Variants in SUGCT observed in about 807,000 individuals in gnomAD.
SUGCT encodes succinyl-CoA:glutarate-CoA transferase.
SUGCT carries 41 observed loss-of-function variants against 55.0 expected under a neutral mutation model. That is an observed-to-expected ratio of 0.74 (90% CI 0.58 to 0.97). The LOEUF is 0.97. SUGCT is among the 50% of genes least tolerant of loss of function. The pLI, the probability that SUGCT is intolerant of heterozygous loss-of-function variation, is 0.00. For missense variants in SUGCT, 568 were observed against 547.8 expected (o/e 1.04, Z -0.37); for synonymous variants, 187 against 200.4 (o/e 0.93, Z 0.56).
chr7:40,633,633 C>T (rs1799894095), intron 12 of SUGCT, among the ~76,000 whole-genome samples: 2 of 152,146 alleles, frequency 1.3e-5, no homozygotes, highest in Non-Finnish European at 2.9e-5. Context: ...AGCCAGTCCT[C>T]ACCTGGCCAG....
At chr7:40,588,531 G>A (rs1347807373) in intron 12 of SUGCT, among the ~76,000 whole-genome samples, 1 of 152,010 alleles carries the variant, frequency 6.6e-6, no homozygotes, top group Non-Finnish European at 1.5e-5. Context: ...CTTTCCCATG[G>A]TCACATTTCT....
the SUGCT span, among the ~76,000 whole-genome samples, chr7:40,992,975 ACCT>A: frequency 6.6e-6 from 1 of 151,986 alleles, no homozygotes; most frequent in South Asian, 2.1e-4. Flanking sequence ...TAGGGCACAG[ACCT>A]CCTTGTATGC....
chr7:40,419,430 TGAATTGGAAG>T (rs1787186874), intron 9 of SUGCT, among the ~76,000 whole-genome samples: 1 of 152,218 alleles, frequency 6.6e-6, no homozygotes, highest in Non-Finnish European at 1.5e-5. Flanking sequence ...AATTTTGGCT[TGAATTGGAAG>T]GAAATGAAGG....
At chr7:40,583,963 T>C (rs1219974769) in intron 12 of SUGCT, among the ~76,000 whole-genome samples, 4 of 152,206 alleles carry the variant, frequency 2.6e-5, no homozygotes, top group African/African-American at 9.6e-5. Context: ...TGTTGAAGCA[T>C]ACACTTACAT....
At position 40,186,365 on chromosome 7, in the gene SUGCT, C is replaced by G. The variant is rs112632278; in HGVS notation, c.227-2130C>G. Among the ~76,000 whole-genome samples, 500 of 151,792 alleles carry G rather than the reference C, an allele frequency of 3.3e-3. 6 individuals carry two copies. Among genetic ancestry groups the G allele is most frequent in the African/African-American group, 0.011 (451 of 41,378 alleles). On this transcript the variant is annotated intron_variant, in intron 3 of 13. Coordinates refer to ENST00000335693, the MANE Select transcript of SUGCT (RefSeq NM_001193313.2). Reference sequence around the variant, plus strand: ...CATTGACCTCCTGAGCTCAAGTGATCCTACCACCTCAGCGTCCTAAGTAGC... The same window carrying G: ...CATTGACCTCCTGAGCTCAAGTGATGCTACCACCTCAGCGTCCTAAGTAGC...
chr7:40,316,707 A>C, intron 8 of SUGCT, 53 bp from the exon 9 acceptor site: 1 of 1,150,326 alleles, frequency 8.7e-7, no homozygotes, highest in Non-Finnish European at 1.3e-6. Context: ...TCTCTTTATG[A>C]GTATAGATAA....
At chr7:40,609,055 C>A (rs1206657802) in intron 12 of SUGCT, among the ~76,000 whole-genome samples, 1 of 152,142 alleles carries the variant, frequency 6.6e-6, no homozygotes, top group African/African-American at 2.4e-5. Flanking sequence ...CTAGGAATAA[C>A]ATGAGCTTTG....
chr7:40,609,950 G>A (rs998459807), intron 12 of SUGCT, among the ~76,000 whole-genome samples: 6 of 152,154 alleles, frequency 3.9e-5, no homozygotes. Context: ...TAGCCACAAA[G>A]CTCAATTCAG....
chr7:40,308,819 C>T lies in SUGCT; in HGVS notation c.721-7941C>T, dbSNP rs376827199. ...GAGGTCAGGAGTTCGAGACCAGCCT[C>T]GCCAACCTGGTGAAACCCTGCCTCT... On this transcript the variant is annotated intron_variant, in intron 8 of 13. Transcript: ENST00000335693. Among the ~76,000 whole-genome samples, 96 of 152,194 alleles carry T rather than the reference C, an allele frequency of 6.3e-4. 2 individuals are homozygous for T. The South Asian group carries it at 0.02, about 31-fold the overall frequency.
intron 13 of SUGCT, among the ~76,000 whole-genome samples, chr7:40,775,367 CAT>C (rs1249054414): frequency 1.3e-5 from 2 of 152,196 alleles, no homozygotes; most frequent in Non-Finnish European, 2.9e-5. Flanking sequence ...TTTGGCAGGA[CAT>C]AGAGTCCCAG....
intron 13 of SUGCT, among the ~76,000 whole-genome samples, chr7:40,808,826 A>G (rs1352151967): frequency 6.6e-6 from 1 of 152,206 alleles, no homozygotes; most frequent in African/African-American, 2.4e-5. Context: ...AGAGGAAAGC[A>G]TATGACTTTA....
intron 12 of SUGCT, among the ~76,000 whole-genome samples, chr7:40,547,976 G>A (rs1485513799): frequency 6.6e-6 from 1 of 151,998 alleles, no homozygotes; most frequent in South Asian, 2.1e-4. Context: ...ATTCTTACAA[G>A]TGGGATTTTT....
chr7:40,169,708 C>T (rs372019562), intron 1 of SUGCT, among the ~76,000 whole-genome samples: 3 of 151,950 alleles, frequency 2.0e-5, no homozygotes, highest in Admixed American at 6.6e-5. Context: ...CTCCAAAGTC[C>T]GTTTGCCTGA....
chr7:40,951,541 A>T, the SUGCT span, among the ~76,000 whole-genome samples: 1 of 151,804 alleles, frequency 6.6e-6, no homozygotes, highest in East Asian at 1.9e-4. Flanking sequence ...TTTAATTGTG[A>T]TGTTAGGATG....
At chr7:40,851,102 A>G (rs1384250164) in intron 13 of SUGCT, among the ~76,000 whole-genome samples, 1 of 152,160 alleles carries the variant, frequency 6.6e-6, no homozygotes, top group African/African-American at 2.4e-5. Flanking sequence ...ACCCAAGGAG[A>G]TGGAGTCAGT....
At chr7:40,890,274 AATTAAAT>A in the SUGCT span, among the ~76,000 whole-genome samples, 5 of 141,188 alleles carry the variant, frequency 3.5e-5, no homozygotes, top group Admixed American at 7.3e-5. Flanking sequence ...ATATAATATA[AATTAAAT>A]ATTTATATTA....
intron 9 of SUGCT, among the ~76,000 whole-genome samples, chr7:40,325,223 A>C (rs1382910377): frequency 8.3e-6 from 1 of 121,074 alleles, no homozygotes; most frequent in African/African-American, 3.2e-5. Context: ...TCTTAAACAC[A>C]TGTTAAGGAT....
At chr7:40,959,726 A>G in the SUGCT span, among the ~76,000 whole-genome samples, 12 of 152,144 alleles carry the variant, frequency 7.9e-5, no homozygotes, top group African/African-American at 2.9e-4. Context: ...AAAAAAAAAA[A>G]AAAACTCCTA....
the SUGCT span, among the ~76,000 whole-genome samples, chr7:41,021,234 A>G: frequency 3.3e-5 from 5 of 152,296 alleles, no homozygotes; most frequent in South Asian, 6.2e-4. Context: ...CAGAATCTCA[A>G]CTCAGAAATC....
Sources: allele counts gnomAD v4.1 joint callset (sites outside exome capture counted in the v4.1 genomes callset), GRCh38; gene constraint gnomAD v4.1.1; transcripts MANE v1.5; gene names NCBI Gene and HGNC (gene_info 2026-07-23, HGNC 2026-07-21).